SLC35B3: variants seen among roughly 807,000 people sequenced by gnomAD.
SLC35B3 encodes adenosine 3'-phospho 5'-phosphosulfate transporter 2.
A neutral mutation model predicts 44.1 loss-of-function variants in SLC35B3; 35 were observed. That is an observed-to-expected ratio of 0.79 (90% CI 0.61 to 1.05). The LOEUF is 1.05. Among genes scored for constraint, SLC35B3 ranks in the 50% least tolerant of loss-of-function variants. The pLI is 0.00. For synonymous variants in SLC35B3, 146 were observed against 167.3 expected, an observed-to-expected ratio of 0.87 and a Z score of 0.98; for missense variants, 414 against 476.4, an observed-to-expected ratio of 0.87 and a Z score of 1.22.
Position 8,432,483 on chromosome 6 carries a change from T to C in SLC35B3, c.3+1902A>G, listed in dbSNP as rs1245253303. Among the ~76,000 whole-genome samples the C allele has an allele frequency of 1.3e-5, 2 of 152,102 alleles. No individual in the cohort carries two copies. Among genetic ancestry groups the C allele is most frequent in the African/African-American group, 4.8e-5 (2 of 41,424 alleles). The stretch of plus-strand genomic sequence containing the variant: ...TGCCAAGCATATTGTAATGACTCAA[T>C]ACAATTATAGGTAATAGTATAAGAA... On this transcript the variant is annotated intron_variant, in intron 2 of 10. Coordinates refer to ENST00000644923, the MANE Select transcript of SLC35B3 (RefSeq NM_001370476.2). This position sits in a 1 kb window ranked among gnomAD's most constrained non-coding sequence, Gnocchi z 4.8.
intron 9 of SLC35B3, 55 bp downstream of exon 8, chr6:8,416,829 A>G: frequency 1.2e-6 from 1 of 808,212 alleles, no homozygotes; most frequent in Non-Finnish European, 1.9e-6. Context: ...GAAAAAGAGC[A>G]TCAGAGAAAA....
At position 8,422,454 on chromosome 6, in the gene SLC35B3, CAT is replaced by C. The variant is rs761161689; in HGVS notation, c.574+14_574+15del. The C allele has an allele frequency of 1.3e-5, 20 of 1,588,050 alleles. No homozygotes were observed. The African/African-American group carries it at 1.8e-4, about 14-fold the overall frequency. On this transcript the variant is annotated intron_variant, in intron 5 of 10. Transcript: ENST00000644923. ...CTATTAGTTTTAAATAGTATAAAAA[CAT>C]ATCATTACTATACCTTGAATAAAAA... is the stretch of plus-strand genomic sequence containing the variant.
In SLC35B3 at chr6:8,432,587, A is replaced by G. The variant is rs1273389093; in HGVS notation, c.3+1798T>C. On this transcript the variant is annotated intron_variant, in intron 2 of 10. Coordinates refer to ENST00000644923, the MANE Select transcript of SLC35B3 (RefSeq NM_001370476.2). The surrounding 1 kb of genome is among the most constrained non-coding windows in gnomAD (Gnocchi z 4.8). ...TCAAGATCTGGCTTTACTACTTATT[A>G]GCTGAGGAGCCTTGGGCAAATCGTT... is the stretch of plus-strand genomic sequence containing the variant. 6.6e-6 allele frequency among the ~76,000 whole-genome samples: 1 copy of G among 152,146 alleles called. No homozygotes were observed. Among genetic ancestry groups the G allele is most frequent in the East Asian group, 1.9e-4 (1 of 5,174 alleles).
chr6:8,420,110 AT>A lies in SLC35B3; in HGVS notation c.683-434del, dbSNP rs1762766295. Among the ~76,000 whole-genome samples, 2 of 151,914 alleles carry A rather than the reference AT, an allele frequency of 1.3e-5. No homozygotes were observed. The highest frequency in any genetic ancestry group is 4.1e-4 in the South Asian group (2 of 4,826). On this transcript the variant is annotated intron_variant, in intron 6 of 10. Transcript: ENST00000644923. This position sits in a 1 kb window ranked among gnomAD's most constrained non-coding sequence, Gnocchi z 4.4. ...AACCCTATTATTACTAAAATGTTTA[AT>A]TTAAATCACATAAACAGGCACGCTG...
At chr6:8,428,257 C>T (rs1038001766) in intron 3 of SLC35B3, among the ~76,000 whole-genome samples, 199 bp from the exon 3 acceptor site, 1 of 152,054 alleles carries the variant, frequency 6.6e-6, no homozygotes, top group African/African-American at 2.4e-5. Context: ...TGATATAAAC[C>T]TTCTTCTTTT....
Position 8,413,017 on chromosome 6 carries a change from CT to C in SLC35B3, c.*531del. 6.6e-6 allele frequency: 1 copy of C among 152,284 alleles called. No individual in the cohort carries two copies. Among genetic ancestry groups the C allele is most frequent in the East Asian group, 1.9e-4 (1 of 5,180 alleles). The allele number at this position is 152,284 out of a possible 1,614,324, so 9.4% of individuals were successfully genotyped here. On this transcript the variant is annotated 3_prime_UTR_variant, in exon 11 of 11. Coordinates refer to ENST00000644923, the MANE Select transcript of SLC35B3 (RefSeq NM_001370476.2). ...TCAAGTTTTAAAGTTCATGTTAAGCCTTACTCCAACTTCCATTTCTCTCTTT... is the reference window on the plus strand; with the variant it reads ...TCAAGTTTTAAAGTTCATGTTAAGCCTACTCCAACTTCCATTTCTCTCTTT...
intron 8 of SLC35B3, 56 bp from the exon 8 acceptor site, chr6:8,417,051 C>G: frequency 1.1e-6 from 1 of 936,750 alleles, no homozygotes; most frequent in Non-Finnish European, 1.6e-6. Context: ...CGAGGTATTA[C>G]AAATAAAATA....
At chr6:8,414,413 CTTAGT>C (rs886276921) in intron 10 of SLC35B3, among the ~76,000 whole-genome samples, 4 of 152,206 alleles carry the variant, frequency 2.6e-5, no homozygotes, top group Admixed American at 6.5e-5. Flanking sequence ...AAAATAAAAG[CTTAGT>C]TTAAAGTCTT....
intron 4 of SLC35B3, among the ~76,000 whole-genome samples, chr6:8,424,647 T>C (rs1231978921): frequency 6.6e-6 from 1 of 152,218 alleles, no homozygotes; most frequent in Non-Finnish European, 1.5e-5. Flanking sequence ...AATAATAATG[T>C]TACAAGGTAT....
In SLC35B3 at chr6:8,430,084, A is replaced by G. The variant is rs1763820091; in HGVS notation, c.77T>C (p.Ile26Thr). 1.1e-5 allele frequency: 18 copies of G among 1,613,682 alleles called. No individual in the cohort carries two copies. The East Asian group carries it at 3.8e-4, about 34-fold the overall frequency. The change falls in exon 3 of 11, where the codon ATT becomes ACT. Residue 26 changes from isoleucine to threonine, a missense_variant. Transcript: ENST00000644923. Reference sequence around the variant, plus strand: ...ATCCATTGTTATTTTGCTGCATTCAATGCTTTCAGAGTTATTTTTGTTGGT... The same window carrying G: ...ATCCATTGTTATTTTGCTGCATTCAGTGCTTTCAGAGTTATTTTTGTTGGT...
intron 3 of SLC35B3, 55 bp downstream of exon 2, chr6:8,429,809 A>C: frequency 1.5e-6 from 2 of 1,326,406 alleles, no homozygotes; most frequent in Non-Finnish European, 2.1e-6. Flanking sequence ...AAATGCCCAT[A>C]CTGACCGCAA....
intron 4 of SLC35B3, among the ~76,000 whole-genome samples, chr6:8,425,836 A>T (rs1763364270): frequency 6.6e-6 from 1 of 152,238 alleles, no homozygotes. Context: ...CACGCTTCTT[A>T]CATTAACCAA....
chr6:8,420,808 C>A lies in SLC35B3; in HGVS notation c.595G>T (p.Asp199Tyr), dbSNP rs1486612721. 7 of 1,612,120 alleles carry A rather than the reference C, an allele frequency of 4.3e-6. No homozygotes were observed. In the Admixed American group the frequency reaches 1.2e-4, roughly 27 times the overall value. ...CTCATACATATGGCAGCAGACACAT[C>A]TGCAACATTATAACGCTTTCCTGTA... The change falls in exon 6 of 11, where the codon GAT becomes TAT. Residue 199 changes from aspartate to tyrosine, a missense_variant. Coordinates refer to ENST00000644923, the MANE Select transcript of SLC35B3 (RefSeq NM_001370476.2). This position sits in a 1 kb window ranked among gnomAD's most constrained non-coding sequence, Gnocchi z 4.4.
chr6:8,429,988 T>C lies in SLC35B3; in HGVS notation c.173A>G (p.His58Arg), dbSNP rs1271544234. The C allele has an allele frequency of 2.5e-6, 4 of 1,613,818 alleles. No individual in the cohort carries two copies. The African/African-American group carries it at 4.0e-5, about 16-fold the overall frequency. The change falls in exon 3 of 11, where the codon CAC (histidine) becomes CGC (arginine). Residue 58 changes from histidine to arginine, a missense_variant. By Grantham distance (29) the His-to-Arg change is conservative. Transcript: ENST00000644923. ...CACAACGTCGTCAACTGACTTGATGTGTGGTGACATTGTTTGGGTTTTGGA... is the reference window on the plus strand; with the variant it reads ...CACAACGTCGTCAACTGACTTGATGCGTGGTGACATTGTTTGGGTTTTGGA...
Position 8,412,101 on chromosome 6 carries a change from C to G in SLC35B3, c.*1448G>C, listed in dbSNP as rs1214356431. Among the ~76,000 whole-genome samples the G allele has an allele frequency of 6.6e-6, 1 of 152,092 alleles. No homozygotes were observed. The highest frequency in any genetic ancestry group is 1.5e-5 in the Non-Finnish European group (1 of 68,018). ...AGAGTCCTTGAAAATGGGATTAGCA[C>G]CCAAGGGAGCTTGTTTGGCCCTTCA... On this transcript the variant is annotated 3_prime_UTR_variant, in exon 11 of 11. Transcript: ENST00000644923.
chr6:8,424,725 T>TC, intron 4 of SLC35B3, among the ~76,000 whole-genome samples: 1 of 152,350 alleles, frequency 6.6e-6, no homozygotes, highest in East Asian at 1.9e-4. Flanking sequence ...TAGCACGCAT[T>TC]ACCACATATG....
chr6:8,421,500 T>C (rs1052879928), intron 5 of SLC35B3, among the ~76,000 whole-genome samples: 1 of 152,214 alleles, frequency 6.6e-6, no homozygotes, highest in Non-Finnish European at 1.5e-5. Context: ...AAAGGCTTAT[T>C]CTGGGATGGT....
intron 4 of SLC35B3, among the ~76,000 whole-genome samples, chr6:8,425,696 A>T (rs1378127522): frequency 6.6e-6 from 1 of 152,184 alleles, no homozygotes; most frequent in African/African-American, 2.4e-5. Flanking sequence ...AAAAAGCTGC[A>T]CAATTTTTGA....
intron 3 of SLC35B3, 23 bp from the exon 3 acceptor site, chr6:8,428,081 T>A: frequency 6.5e-7 from 1 of 1,533,878 alleles, no homozygotes; most frequent in Admixed American, 2.0e-5. Context: ...ACATGAACAC[T>A]GTTAAGTCCA....
Sources: allele counts gnomAD v4.1 joint callset (sites outside exome capture counted in the v4.1 genomes callset), GRCh38; gene constraint gnomAD v4.1.1; non-coding constraint Gnocchi (gnomAD v3.1); transcripts MANE v1.5; gene names NCBI Gene and HGNC (gene_info 2026-07-23, HGNC 2026-07-21).